RARRES1: variants seen among roughly 807,000 people sequenced by gnomAD.
RARRES1 encodes the protein retinoic acid receptor responder protein 1.
Under a neutral mutation model 30.6 loss-of-function variants are expected in RARRES1, and 34 were observed. The observed-to-expected ratio is 1.11, with a 90% CI of 0.84 to 1.48. The LOEUF is 1.48. Among genes scored for constraint, RARRES1 ranks in the 40% most tolerant of loss-of-function variants. The probability of loss-of-function intolerance (pLI) is 0.00; values close to 1 mark genes in which losing one functional copy is unlikely to be tolerated. For missense variants in RARRES1, 373 were observed against 386.5 expected (o/e 0.97, Z 0.29); for synonymous variants, 153 against 155.5 (o/e 0.98, Z 0.12).
chr3:158,717,226 A>G (rs940713896), intron 1 of RARRES1, among the ~76,000 whole-genome samples: 3 of 152,270 alleles, frequency 2.0e-5, no homozygotes, highest in East Asian at 3.9e-4. Context: ...ACATCACTCC[A>G]TGATTTCAGC....
At chr3:158,730,365 C>CCCCTTCCT (rs1553746330) in intron 1 of RARRES1, among the ~76,000 whole-genome samples, 4,472 of 120,242 alleles carry the variant, frequency 0.037, 217 homozygotes, top group South Asian at 0.096. Context: ...GAATAGGTTG[C>CCCCTTCCT]TCCTTCCTTC....
In RARRES1 at chr3:158,710,858, G is replaced by T. The variant is rs1727105219; in HGVS notation, c.415C>A (p.Pro139Thr). ...CGTGTACAAGTTACATTGATGGTTGGTCTGGGTTTCTGATTCTTGAAAAAC... is the reference window on the plus strand; with the variant it reads ...CGTGTACAAGTTACATTGATGGTTGTTCTGGGTTTCTGATTCTTGAAAAAC... ...RVFFKNQKPR[P>T]TINVTCTRLI... The change falls in exon 3 of 6, where the codon CCA becomes ACA. Residue 139 changes from proline (P) to threonine (T), a missense_variant. Coordinates refer to ENST00000237696, the MANE Select transcript of RARRES1 (RefSeq NM_206963.2). 3 of 1,613,544 alleles carry T rather than the reference G, an allele frequency of 1.9e-6. No individual in the cohort carries two copies. Among genetic ancestry groups the T allele is most frequent in the Non-Finnish European group, 2.5e-6 (3 of 1,179,708 alleles).
intron 3 of RARRES1, 22 bp from the exon 4 acceptor site, chr3:158,704,949 C>G: frequency 6.3e-7 from 1 of 1,598,146 alleles, no homozygotes; most frequent in Non-Finnish European, 8.5e-7. Context: ...AAAAAAAGCA[C>G]ATTTGTATTA....
At position 158,704,938 on chromosome 3, in the gene RARRES1, CA is replaced by C. The variant is rs201286673; in HGVS notation, c.536-12del. The C allele has an allele frequency of 0.016, 25,328 of 1,592,626 alleles. 215 individuals are homozygous for C. The highest frequency in any genetic ancestry group is 0.018 in the Non-Finnish European group (21,017 of 1,174,120). On this transcript the variant is annotated splice_polypyrimidine_tract_variant and intron_variant, in intron 3 of 5. Transcript: ENST00000237696. The stretch of plus-strand genomic sequence containing the variant: ...TATGTCCATGATTATCTGAGAGAGA[CA>C]AAAAAAGCACATTTGTATTAATGCA...
At position 158,723,971 on chromosome 3, in the gene RARRES1, T is replaced by TA. The variant is rs1452137610; in HGVS notation, c.276+8168dup. ...TGCAATGAAGGAGATAGAGACATGA[T>TA]ATAATACCTTGCGCCCTGTAGAAGC... On this transcript the variant is annotated intron_variant, in intron 1 of 5. Transcript: ENST00000237696. The surrounding 1 kb of genome is among the most constrained non-coding windows in gnomAD (Gnocchi z 4.4). Among the ~76,000 whole-genome samples, 1 of 152,190 alleles carries TA rather than the reference T, an allele frequency of 6.6e-6. No homozygotes were observed. The highest frequency in any genetic ancestry group is 2.4e-5 in the African/African-American group (1 of 41,450).
At chr3:158,698,208 C>T in intron 4 of RARRES1, 1 of 493,682 alleles carries the variant, frequency 2.0e-6, no homozygotes, top group East Asian at 3.6e-5. Flanking sequence ...CTGATGGAGA[C>T]CAAAGTCTGT....
intron 1 of RARRES1, among the ~76,000 whole-genome samples, chr3:158,722,086 CA>C (rs571829700): frequency 0.085 from 5,868 of 68,748 alleles, 433 homozygotes; most frequent in African/African-American, 0.28. Flanking sequence ...GAATGAAACT[CA>C]AAAAAAAAAA....
At chr3:158,727,080 C>T (rs773703347) in intron 1 of RARRES1, among the ~76,000 whole-genome samples, 20 of 152,144 alleles carry the variant, frequency 1.3e-4, no homozygotes, top group East Asian at 3.9e-4. Context: ...TCTCCAGAAG[C>T]GGATGCCAGC....
chr3:158,697,962 A>G lies in RARRES1; in HGVS notation c.681T>C (p.Asn227=), dbSNP rs758709845. The stretch of plus-strand genomic sequence containing the variant: ...TATAATCAAAATCAATTGTATCATC[A>G]TTAGTTTTCTAGAGGGAGAAAAAAG... ...QLTSVRQWKT[N]DDTIDFDYTV... The change falls in exon 5 of 6, where the codon AAT becomes AAC. Residue 227 remains asparagine (N), a synonymous_variant. Transcript: ENST00000237696. The G allele has an allele frequency of 1.6e-5, 25 of 1,523,320 alleles. No homozygotes were observed. Among genetic ancestry groups the G allele is most frequent in the African/African-American group, 2.7e-5 (2 of 72,780 alleles). 94.4% of individuals were successfully genotyped at this position (1,523,320 alleles called of 1,614,324 possible). A position where few individuals can be genotyped will look rare whatever the true frequency, so the allele number is the denominator to read the frequency against.
Position 158,723,662 on chromosome 3 carries a change from G to A in RARRES1, c.276+8478C>T, listed in dbSNP as rs1179120354. ...GTGTCCTCTCTCTCAGCCAACCCTG[G>A]GTCCCACGTTCTTGATTTGGGGTAG... On this transcript the variant is annotated intron_variant, in intron 1 of 5. Transcript: ENST00000237696. This position sits in a 1 kb window ranked among gnomAD's most constrained non-coding sequence, Gnocchi z 4.4. Among the ~76,000 whole-genome samples, 1 of 152,204 alleles carries A rather than the reference G, an allele frequency of 6.6e-6. No individual in the cohort carries two copies. The highest frequency in any genetic ancestry group is 1.9e-4 in the East Asian group (1 of 5,188).
intron 4 of RARRES1, among the ~76,000 whole-genome samples, chr3:158,699,138 G>A (rs1253149199): frequency 6.6e-6 from 1 of 152,138 alleles, no homozygotes; most frequent in African/African-American, 2.4e-5. Context: ...TGACCATCGG[G>A]TAGATAAGGC....
intron 3 of RARRES1, among the ~76,000 whole-genome samples, chr3:158,707,692 A>G (rs1458990649): frequency 6.6e-6 from 1 of 152,222 alleles, no homozygotes; most frequent in African/African-American, 2.4e-5. Flanking sequence ...CACAGCTGTC[A>G]TGTGGAGTGC....
intron 1 of RARRES1, among the ~76,000 whole-genome samples, chr3:158,719,331 G>A (rs559145799): frequency 2.7e-5 from 4 of 150,158 alleles, no homozygotes; most frequent in South Asian, 2.1e-4. Context: ...GAGTGCAATG[G>A]TGCAATCTCA....
At chr3:158,708,173 GAT>G (rs1285716526) in intron 3 of RARRES1, among the ~76,000 whole-genome samples, 1 of 152,062 alleles carries the variant, frequency 6.6e-6, no homozygotes, top group African/African-American at 2.4e-5. Flanking sequence ...CAATATCTTG[GAT>G]ATAAACTTTT....
chr3:158,703,853 A>C (rs774752655), intron 4 of RARRES1, among the ~76,000 whole-genome samples: 51 of 152,136 alleles, frequency 3.4e-4, no homozygotes, highest in Non-Finnish European at 6.9e-4. Flanking sequence ...TGTGGCTTTA[A>C]ATACTATATG....
chr3:158,700,221 GTGTA>G (rs1180030660), intron 4 of RARRES1, among the ~76,000 whole-genome samples: 2,628 of 151,326 alleles, frequency 0.017, 83 homozygotes, highest in African/African-American at 0.062. Context: ...GTGTGTGTGT[GTGTA>G]TATATATATA....
chr3:158,709,475 A>G (rs915022502), intron 3 of RARRES1, among the ~76,000 whole-genome samples: 1 of 152,230 alleles, frequency 6.6e-6, no homozygotes, highest in Admixed American at 6.5e-5. Context: ...GCTCCCCTTG[A>G]TTGCTTGGCA....
chr3:158,729,606 T>G (rs567535266), intron 1 of RARRES1, among the ~76,000 whole-genome samples: 1 of 152,134 alleles, frequency 6.6e-6, no homozygotes, highest in Non-Finnish European at 1.5e-5. Flanking sequence ...CCTGCCACCA[T>G]GCCCGGCTAA....
intron 2 of RARRES1, among the ~76,000 whole-genome samples, chr3:158,711,998 T>C (rs530742961): frequency 6.6e-6 from 1 of 152,332 alleles, no homozygotes; most frequent in South Asian, 2.1e-4. Context: ...GTATGACTCA[T>C]TTCTAGCATA....
Sources: allele counts gnomAD v4.1 joint callset (sites outside exome capture counted in the v4.1 genomes callset), GRCh38; gene constraint gnomAD v4.1.1; non-coding constraint Gnocchi (gnomAD v3.1); transcripts MANE v1.5; gene names NCBI Gene and HGNC (gene_info 2026-07-23, HGNC 2026-07-21).